DLG2: variants seen among roughly 807,000 people sequenced by gnomAD.
DLG2 encodes the protein disks large homolog 2.
A neutral mutation model predicts 132.5 loss-of-function variants in DLG2; 45 were observed. That is an observed-to-expected ratio of 0.34 (90% confidence interval 0.27 to 0.44). DLG2 has a LOEUF of 0.44. DLG2 is among the 20% of genes least tolerant of loss of function. The probability of loss-of-function intolerance (pLI) is 1.00; values close to 1 mark genes in which losing one functional copy is unlikely to be tolerated. For synonymous variants in DLG2, 424 were observed against 419.6 expected (o/e 1.01, Z -0.13); for missense variants, 1,045 against 1,196.9 (o/e 0.87, Z 1.87).
chr11:85,466,314 AT>A (rs1268382030), intron 3 of DLG2, among the ~76,000 whole-genome samples: 1 of 152,130 alleles, frequency 6.6e-6, no homozygotes, highest in Non-Finnish European at 1.5e-5. Context: ...CTTTAGTTTA[AT>A]TAGATCCTGT....
intron 15 of DLG2, among the ~76,000 whole-genome samples, chr11:83,928,657 T>G (rs975022143): frequency 6.6e-6 from 1 of 152,102 alleles, no homozygotes; most frequent in African/African-American, 2.4e-5. Context: ...ATCATCTGGG[T>G]TTGAATCCCA....
At position 83,633,219 on chromosome 11, in the gene DLG2, G is replaced by C; in HGVS notation, c.1932C>G (p.Leu644=). ...AATACTCCTTTGCCTACCTGACGTA[G>C]AGGGAGCGTTTCTGATTGGTTCGCA... ...GSLRTNQKRS[L]YVRAMFDYDK... is the part of the protein sequence containing the mutation. The change falls in exon 19 of 28, where the codon CTC becomes CTG. Residue 644 remains leucine (L), a synonymous_variant. Transcript: ENST00000376104. 1 of 1,613,618 alleles carries C rather than the reference G, an allele frequency of 6.2e-7. No individual in the cohort carries two copies. Among genetic ancestry groups the C allele is most frequent in the Non-Finnish European group, 8.5e-7 (1 of 1,179,658 alleles).
intron 12 of DLG2, among the ~76,000 whole-genome samples, chr11:83,973,599 C>T (rs2091727397): frequency 6.6e-6 from 1 of 151,950 alleles, no homozygotes; most frequent in South Asian, 2.1e-4. Context: ...CAAAGTTGTC[C>T]TTAGGAGATG....
intron 19 of DLG2, among the ~76,000 whole-genome samples, chr11:83,552,397 C>G (rs574361): frequency 0.67 from 101,852 of 151,988 alleles, 34,778 homozygotes; most frequent in African/African-American, 0.81. Flanking sequence ...AAGTGCAAAG[C>G]CTGTAAATAC....
chr11:85,016,346 T>C (rs983953784), intron 6 of DLG2, among the ~76,000 whole-genome samples: 22 of 152,170 alleles, frequency 1.4e-4, no homozygotes, highest in African/African-American at 4.8e-4. Flanking sequence ...TCACTCCTTT[T>C]TCAACTCCTA....
intron 6 of DLG2, among the ~76,000 whole-genome samples, chr11:84,917,994 C>T (rs981811907): frequency 5.9e-5 from 9 of 152,124 alleles, no homozygotes; most frequent in African/African-American, 2.2e-4. Context: ...ATTCATAATT[C>T]CAAGTCCTGC....
intron 17 of DLG2, among the ~76,000 whole-genome samples, chr11:83,792,359 A>G (rs1328776043): frequency 6.6e-6 from 1 of 152,188 alleles, no homozygotes; most frequent in Non-Finnish European, 1.5e-5. Flanking sequence ...ACAGGCCATA[A>G]TTGAATTGCC....
chr11:84,077,150 G>C (rs2096840256), intron 10 of DLG2, among the ~76,000 whole-genome samples: 1 of 152,056 alleles, frequency 6.6e-6, no homozygotes. Flanking sequence ...ATCTCCCCTT[G>C]GCTACTGTCC....
rs928347589 is a variant in DLG2 at position 85,499,165 on chromosome 11, G to GT, written c.40+99491dup. Among the ~76,000 whole-genome samples the GT allele has an allele frequency of 1.2e-4, 18 of 151,944 alleles. 1 individual carries two copies. Among genetic ancestry groups the GT allele is most frequent in the Admixed American group, 9.8e-4 (15 of 15,240 alleles). On this transcript the variant is annotated intron_variant, in intron 3 of 27. Coordinates refer to ENST00000376104, the MANE Select transcript of DLG2 (RefSeq NM_001142699.3). ...CAAAAATTAATGAATCCTGGAGCTG[G>GT]TTTTTTTAAAAGATAAACAAAATAG...
At chr11:84,171,062 A>G (rs1224448272) in intron 8 of DLG2, among the ~76,000 whole-genome samples, 3 of 152,140 alleles carry the variant, frequency 2.0e-5, no homozygotes, top group Non-Finnish European at 4.4e-5. Context: ...ACTCGAGGAC[A>G]TTACCATAAG....
chr11:85,462,923 T>G (rs537788871), intron 3 of DLG2, among the ~76,000 whole-genome samples: 1 of 152,238 alleles, frequency 6.6e-6, no homozygotes, highest in East Asian at 1.9e-4. Flanking sequence ...AAAATCAATG[T>G]CCTTATAAGA....
At chr11:84,433,451 T>A (rs1332984005) in intron 7 of DLG2, among the ~76,000 whole-genome samples, 2 of 152,196 alleles carry the variant, frequency 1.3e-5, no homozygotes, top group African/African-American at 4.8e-5. Context: ...GATACTAACT[T>A]CTGAATTACT....
chr11:84,258,847 T>C (rs2097514831), intron 7 of DLG2, among the ~76,000 whole-genome samples: 2 of 152,226 alleles, frequency 1.3e-5, no homozygotes, highest in Admixed American at 1.3e-4. Flanking sequence ...TTTATCACCG[T>C]TCTGACTTAG....
chr11:83,838,540 A>C (rs1381003317), intron 16 of DLG2, among the ~76,000 whole-genome samples: 2 of 152,248 alleles, frequency 1.3e-5, no homozygotes, highest in Non-Finnish European at 2.9e-5. Context: ...CAAACCAGCA[A>C]GTCAAAGGCT....
At chr11:85,123,414 G>A (rs1007456207) in intron 5 of DLG2, among the ~76,000 whole-genome samples, 1 of 152,128 alleles carries the variant, frequency 6.6e-6, no homozygotes, top group Non-Finnish European at 1.5e-5. Flanking sequence ...CTCTGAAAAA[G>A]ACCACTGGTA....
chr11:85,123,138 C>G (rs558871715), intron 5 of DLG2, among the ~76,000 whole-genome samples: 10 of 150,820 alleles, frequency 6.6e-5, no homozygotes, highest in African/African-American at 2.4e-4. Context: ...CCACCACACT[C>G]GGCTAATTTT....
At chr11:83,842,771 A>G (rs10898156) in intron 16 of DLG2, among the ~76,000 whole-genome samples, 94,976 of 146,450 alleles carry the variant, frequency 0.65, 31,015 homozygotes, top group Middle Eastern at 0.77. Flanking sequence ...AGCTGAGATC[A>G]CGCCACTGCA....
intron 3 of DLG2, among the ~76,000 whole-genome samples, chr11:85,406,146 A>G (rs1167409205): frequency 6.6e-6 from 1 of 151,918 alleles, no homozygotes; most frequent in African/African-American, 2.4e-5. Context: ...TGGATATCAA[A>G]CATTGGACTC....
intron 16 of DLG2, among the ~76,000 whole-genome samples, chr11:83,861,087 C>T (rs181696486): frequency 2.3e-4 from 35 of 152,170 alleles, no homozygotes; most frequent in Middle Eastern, 3.4e-3. Flanking sequence ...CTAATATATG[C>T]CATGAATTAA....
Sources: allele counts gnomAD v4.1 joint callset (sites outside exome capture counted in the v4.1 genomes callset), GRCh38; gene constraint gnomAD v4.1.1; transcripts MANE v1.5; gene names NCBI Gene and HGNC (gene_info 2026-07-23, HGNC 2026-07-21).